The following SHANK1 variants were observed in gnomAD, a reference collection of about 807,000 sequenced individuals.
The protein encoded by SHANK1 is SH3 and multiple ankyrin repeat domains protein 1.
Under a neutral mutation model 165.6 loss-of-function variants are expected in SHANK1, and 35 were observed. The ratio of observed to expected loss-of-function variants is 0.21; its 90% CI spans 0.16 to 0.28. The LOEUF (loss-of-function observed/expected upper bound fraction) is 0.28. Among genes scored for constraint, SHANK1 ranks in the 10% least tolerant of loss-of-function variants. SHANK1 has a pLI of 1.00. For missense variants in SHANK1, 2,681 were observed against 3,036.4 expected (o/e 0.88, Z 2.75); for synonymous variants, 1,428 against 1,384.8 (o/e 1.03, Z -0.69).
chr19:50,702,382 G>A lies in SHANK1; in HGVS notation c.1747+85C>T, dbSNP rs529891258. The A allele has an allele frequency of 3.2e-4, 399 of 1,261,092 alleles. No individual in the cohort carries two copies. In the African/African-American group the frequency reaches 4.5e-3, roughly 14 times the overall value. The allele number at this position is 1,261,092 out of a possible 1,614,324, so 78.1% of individuals were successfully genotyped here. ...AGTGCATGAGATACTCCAGGTGCCC[G>A]AGAATGGTCTGCTCTCTGCTCCACA... On this transcript the variant is annotated intron_variant, in intron 12 of 23. Transcript: ENST00000293441. The surrounding 1 kb of genome is among the most constrained non-coding windows in gnomAD (Gnocchi z 5.3).
chr19:50,687,508 G>A (rs1375165205), intron 19 of SHANK1, 74 bp downstream of exon 19: 6 of 1,202,228 alleles, frequency 5.0e-6, no homozygotes, highest in South Asian at 1.5e-5. Context: ...CAACACTAAC[G>A]AACTCAAGGG....
rs756226882 is a variant in SHANK1, at chr19:50,666,516, G to A, written c.5444C>T (p.Pro1815Leu). ...TGGGACTTCTGGCTCTACAGCCACCGGACCCCCCGCCACGCCTGCCGTGGG... is the reference window on the plus strand; with the variant it reads ...TGGGACTTCTGGCTCTACAGCCACCAGACCCCCCGCCACGCCTGCCGTGGG... The part of the protein sequence containing the change: ...GPPTAGVAGG[P>L]VAVEPEVPPV... The change falls in exon 23 of 24, where the codon CCG (proline) becomes CTG (leucine). Residue 1815 changes from proline to leucine, a missense_variant. Physicochemically the swap from Pro to Leu is moderately conservative, Grantham distance 98. This residue lies in a region of SHANK1 where 1,713 missense variants were observed against 1,630.2 expected (regional missense o/e 1.05). Transcript: ENST00000293441. 1.9e-4 allele frequency: 303 copies of A among 1,584,542 alleles called. No individual in the cohort carries two copies. Among genetic ancestry groups the A allele is most frequent in the Non-Finnish European group, 2.5e-4 (291 of 1,168,478 alleles).
intron 6 of SHANK1, among the ~76,000 whole-genome samples, chr19:50,712,911 T>C (rs984084169): frequency 2.0e-5 from 3 of 152,154 alleles, no homozygotes; most frequent in Non-Finnish European, 4.4e-5. Flanking sequence ...AGGTGGCCAG[T>C]GGCTACTGGC....
At chr19:50,714,373 G>A in intron 4 of SHANK1, 83 bp from the exon 5 acceptor site, 1 of 1,114,848 alleles carries the variant, frequency 9.0e-7, no homozygotes, top group Non-Finnish European at 1.3e-6. Context: ...GACGTCCAGT[G>A]AAAATATACG....
At position 50,716,930 on chromosome 19, in the gene SHANK1, C is replaced by G. The variant is rs567706723; in HGVS notation, c.-11G>C. 1 of 1,421,456 alleles carries G rather than the reference C, an allele frequency of 7.0e-7. No individual in the cohort carries two copies. Among genetic ancestry groups the G allele is most frequent in the African/African-American group, 1.5e-5 (1 of 68,892 alleles). 88.1% of individuals were successfully genotyped at this position (1,421,456 alleles called of 1,614,324 possible). A position where few individuals can be genotyped will look rare whatever the true frequency, so the allele number is the denominator to read the frequency against. On this transcript the variant is annotated 5_prime_UTR_variant, in exon 2 of 24. Transcript: ENST00000293441. This position sits in a 1 kb window ranked among gnomAD's most constrained non-coding sequence, Gnocchi z 8.4. ...GGGGCTGTGGGTCATTGTGGGGCCA[C>G]GGGGCGACGGGGGACGGCAGCATCA...
rs1421875957 is a variant in SHANK1, at chr19:50,662,850, G to A, written c.5769-168C>T. The stretch of plus-strand genomic sequence containing the variant: ...AAATGGAGGGAGCAAGGGGTAAGAC[G>A]GCCGGCCGTCGAGGAAAGAAATGAA... On this transcript the variant is annotated intron_variant, in intron 23 of 23. Transcript: ENST00000293441. The surrounding 1 kb of genome is among the most constrained non-coding windows in gnomAD (Gnocchi z 7.7). Among the ~76,000 whole-genome samples the A allele has an allele frequency of 2.6e-5, 4 of 151,896 alleles. No individual in the cohort carries two copies. Among genetic ancestry groups the A allele is most frequent in the Admixed American group, 6.6e-5 (1 of 15,252 alleles).
chr19:50,662,273 C>G lies in SHANK1; in HGVS notation c.6178G>C (p.Gly2060Arg), dbSNP rs1188460396. Reference protein sequence around the residue: ...FAPVFVPPHPGISGGLGGALS... With the variant: ...FAPVFVPPHPRISGGLGGALS... Reference sequence around the variant, plus strand: ...GCTCCCCCGAGCCCCCCGGATATCCCCGGGTGTGGCGGCACAAAGACTGGG... The same window carrying G: ...GCTCCCCCGAGCCCCCCGGATATCCGCGGGTGTGGCGGCACAAAGACTGGG... Residue 2060 changes from glycine (G) to arginine (R), a missense_variant, in exon 24 of 24, where the codon GGG (glycine) becomes CGG (arginine). Gly to Arg is a moderately radical substitution (Grantham distance 125). Around this residue, in one of 10 missense-constraint regions of SHANK1, gnomAD observed 1,713 missense variants for 1,630.2 expected, o/e 1.05. Transcript: ENST00000293441. This position sits in a 1 kb window ranked among gnomAD's most constrained non-coding sequence, Gnocchi z 7.7. 1.9e-6 allele frequency: 3 copies of G among 1,612,126 alleles called. No homozygotes were observed. Among genetic ancestry groups the G allele is most frequent in the African/African-American group, 1.3e-5 (1 of 75,044 alleles).
chr19:50,695,572 G>A (rs1986713929), intron 15 of SHANK1, among the ~76,000 whole-genome samples: 2 of 151,838 alleles, frequency 1.3e-5, no homozygotes, highest in African/African-American at 4.8e-5. Context: ...CAGAGCTAGA[G>A]AGCGCGGGGA....
Position 50,698,043 on chromosome 19 carries a change from C to T in SHANK1, c.1748-87G>A, listed in dbSNP as rs557286888. On this transcript the variant is annotated intron_variant, in intron 12 of 23. Coordinates refer to ENST00000293441, the MANE Select transcript of SHANK1 (RefSeq NM_016148.5). Reference sequence around the variant, plus strand: ...ACACACTCAACTTAGAGCATTCCCACAGTTACCAGCTCCTGGCCCAAGGCC... The same window carrying T: ...ACACACTCAACTTAGAGCATTCCCATAGTTACCAGCTCCTGGCCCAAGGCC... The T allele has an allele frequency of 4.4e-4, 412 of 939,970 alleles. 3 individuals are homozygous for T. The highest frequency in any genetic ancestry group is 7.8e-4 in the South Asian group (55 of 70,368). 58.2% of individuals were successfully genotyped at this position (939,970 alleles called of 1,614,324 possible).
chr19:50,661,036 G>A lies in SHANK1; in HGVS notation c.*929C>T, dbSNP rs536366527. Among the ~76,000 whole-genome samples the A allele has an allele frequency of 1.1e-4, 16 of 152,156 alleles. No individual in the cohort carries two copies. The highest frequency in any genetic ancestry group is 3.4e-3 in the Middle Eastern group (1 of 294). The stretch of plus-strand genomic sequence containing the variant: ...GAATAAGAAGGGAAAGTGCTTCAAC[G>A]TAAGAAAATGGAGGTAAGAGTGTGT... On this transcript the variant is annotated 3_prime_UTR_variant, in exon 24 of 24. Transcript: ENST00000293441.
At position 50,666,318 on chromosome 19, in the gene SHANK1, A is replaced by G. The variant is rs761631160; in HGVS notation, c.5642T>C (p.Phe1881Ser). The G allele has an allele frequency of 3.7e-6, 6 of 1,613,454 alleles. No homozygotes were observed. The highest frequency in any genetic ancestry group is 1.6e-4 in the Middle Eastern group (1 of 6,062). Residue 1881 changes from phenylalanine to serine, a missense_variant, in exon 23 of 24, where the codon TTT becomes TCT. Phe to Ser is a radical substitution (Grantham distance 155, BLOSUM62 -2). Coordinates refer to ENST00000293441, the MANE Select transcript of SHANK1 (RefSeq NM_016148.5). ...ISELSSKLQQ[F>S]GGSSAAGGAL... The stretch of plus-strand genomic sequence containing the variant: ...GCCGCCAGCTGCCGAGGAGCCCCCA[A>G]ACTGCTGAAGCTTGGAGCTGAGTTC...
intron 21 of SHANK1, among the ~76,000 whole-genome samples, chr19:50,674,429 C>A (rs1450827910): frequency 6.6e-6 from 1 of 152,172 alleles, no homozygotes; most frequent in African/African-American, 2.4e-5. Context: ...TCCTGCACTT[C>A]CCACTATACC....
At chr19:50,683,232 C>A (rs943332782) in intron 21 of SHANK1, among the ~76,000 whole-genome samples, 1 of 152,118 alleles carries the variant, frequency 6.6e-6, no homozygotes, top group Non-Finnish European at 1.5e-5. Context: ...TGCTGGCATC[C>A]GGATGGTAGA....
intron 21 of SHANK1, among the ~76,000 whole-genome samples, chr19:50,673,500 G>GTTCTCCTCGGCGAGACC (rs978925752): frequency 6.6e-6 from 1 of 152,090 alleles, no homozygotes; most frequent in African/African-American, 2.4e-5. Flanking sequence ...TCAGCGCGAA[G>GTTCTCCTCGGCGAGACC]TTCTCCTCGG....
At chr19:50,707,646 C>A (rs1003344549) in intron 8 of SHANK1, among the ~76,000 whole-genome samples, 1 of 150,834 alleles carries the variant, frequency 6.6e-6, no homozygotes, top group Admixed American at 6.6e-5. Flanking sequence ...CTGCAGCCTC[C>A]ACCTTTTGGG....
Position 50,713,664 on chromosome 19 carries a change from T to C in SHANK1, c.792+134A>G, listed in dbSNP as rs537871722. 1.7e-5 allele frequency: 21 copies of C among 1,200,270 alleles called. No individual in the cohort carries two copies. The South Asian group carries it at 2.6e-4, about 15-fold the overall frequency. The allele number at this position is 1,200,270 out of a possible 1,614,324, so 74.4% of individuals were successfully genotyped here. On this transcript the variant is annotated intron_variant, in intron 6 of 23. Coordinates refer to ENST00000293441, the MANE Select transcript of SHANK1 (RefSeq NM_016148.5). The surrounding 1 kb of genome is among the most constrained non-coding windows in gnomAD (Gnocchi z 6.2). ...ACAATAGGGGCTGTGTCTCAGTCTA[T>C]GGAAAGGGGCTTTGAACTGGGGACA...
At position 50,686,797 on chromosome 19, in the gene SHANK1, GGCT is replaced by G. The variant is rs773579163; in HGVS notation, c.2402_2404del (p.Gln801del). The G allele has an allele frequency of 3.1e-6, 5 of 1,613,694 alleles. No individual in the cohort carries two copies. In the African/African-American group the frequency reaches 5.3e-5, roughly 17 times the overall value. ...TTTCTCCATGCTGGGCACCGGCGCC[GGCT>G]GCTGCTCGTACTCTGTGGGCAAAGA... On this transcript the variant is annotated inframe_deletion, in exon 20 of 24. Coordinates refer to ENST00000293441, the MANE Select transcript of SHANK1 (RefSeq NM_016148.5). This position sits in a 1 kb window ranked among gnomAD's most constrained non-coding sequence, Gnocchi z 5.7.
Position 50,718,455 on chromosome 19 carries a change from C to T in SHANK1, c.-44+951G>A, listed in dbSNP as rs1026078704. On this transcript the variant is annotated intron_variant, in intron 1 of 23. Transcript: ENST00000293441. The surrounding 1 kb of genome is among the most constrained non-coding windows in gnomAD (Gnocchi z 5.1). ...GGGATGAAAGAAAAGCTGGCTAGGG[C>T]CCCCCGCGCGTACGGCTGCCCCAGC... Among the ~76,000 whole-genome samples, 2 of 152,104 alleles carry T rather than the reference C, an allele frequency of 1.3e-5. No individual in the cohort carries two copies. Among genetic ancestry groups the T allele is most frequent in the Non-Finnish European group, 2.9e-5 (2 of 67,990 alleles).
rs2089072425 is a variant in SHANK1, at chr19:50,716,599, G to A, written c.255+66C>T. 1 of 1,555,566 alleles carries A rather than the reference G, an allele frequency of 6.4e-7. No individual in the cohort carries two copies. Reference sequence around the variant, plus strand: ...ATTCCTGGGAGGATACCCAGCACCAGTGGACTCCCCATGTCGGTTGGGGCA... The same window carrying A: ...ATTCCTGGGAGGATACCCAGCACCAATGGACTCCCCATGTCGGTTGGGGCA... On this transcript the variant is annotated intron_variant, in intron 2 of 23. Transcript: ENST00000293441. This position sits in a 1 kb window ranked among gnomAD's most constrained non-coding sequence, Gnocchi z 8.4.
Sources: allele counts gnomAD v4.1 joint callset (sites outside exome capture counted in the v4.1 genomes callset), GRCh38; gene constraint gnomAD v4.1.1; regional missense constraint gnomAD v4.1.1; non-coding constraint Gnocchi (gnomAD v3.1); transcripts MANE v1.5; gene names NCBI Gene and HGNC (gene_info 2026-07-23, HGNC 2026-07-21).